GDA: variants seen among roughly 807,000 people sequenced by gnomAD.
GDA encodes cytoplasmic PSD-95 interactor.
A neutral mutation model predicts 59.6 loss-of-function variants in GDA; 18 were observed. The observed-to-expected ratio is 0.30, with a 90% confidence interval of 0.21 to 0.45. The LOEUF (loss-of-function observed/expected upper bound fraction) is 0.45. Among genes scored for constraint, GDA ranks in the 20% least tolerant of loss-of-function variants. The pLI is 1.00. For missense variants in GDA, 427 were observed against 552.3 expected (o/e 0.77, Z 2.27); for synonymous variants, 201 against 201.1 (o/e 1.00, Z 0.00).
chr9:72,208,352 A>G (rs1438537679), intron 3 of GDA, among the ~76,000 whole-genome samples: 1 of 152,214 alleles, frequency 6.6e-6, no homozygotes, highest in Non-Finnish European at 1.5e-5. Context: ...AGCAAGAGCC[A>G]CTGTCTGGAG....
chr9:72,201,845 G>T (rs2131342217), intron 2 of GDA, among the ~76,000 whole-genome samples: 1 of 152,260 alleles, frequency 6.6e-6, no homozygotes, highest in Admixed American at 6.5e-5. Flanking sequence ...AGAATTAATA[G>T]AAATATGAAT....
chr9:72,157,142 C>T (rs1477128591), intron 1 of GDA, among the ~76,000 whole-genome samples: 1 of 147,294 alleles, frequency 6.8e-6, no homozygotes, highest in African/African-American at 2.5e-5. Flanking sequence ...TGGGTTCAAG[C>T]GATTCTCCTG....
rs368217737 is a variant in GDA, at chr9:72,214,045, T to C, written c.578+54T>C. The C allele has an allele frequency of 7.7e-5, 77 of 993,790 alleles. 1 individual carries two copies. The East Asian group carries it at 1.8e-3, about 23-fold the overall frequency. 61.6% of individuals were successfully genotyped at this position (993,790 alleles called of 1,614,324 possible). ...TTACAGGTGAATTCCTGTGCTGCAC[T>C]GATGGAGTTAGAGATGGAAAAAGGA... On this transcript the variant is annotated intron_variant, in intron 5 of 13. Transcript: ENST00000358399.
chr9:72,141,747 CTGCACATTAATAACCT>C lies in GDA; in HGVS notation c.-100+26917_-100+26932del, dbSNP rs1182139290. On this transcript the variant is annotated intron_variant, in intron 1 of 13. Coordinates refer to the GDA transcript ENST00000545168. Reference sequence around the variant, plus strand: ...CCACGGTCAGCTCAAACCAGTTAAGCTGCACATTAATAACCTTGGGAAAAACCAATCCTTCTCTGAG... The same window carrying C: ...CCACGGTCAGCTCAAACCAGTTAAGCTGGGAAAAACCAATCCTTCTCTGAG... Among the ~76,000 whole-genome samples, 3 of 152,166 alleles carry C rather than the reference CTGCACATTAATAACCT, an allele frequency of 2.0e-5. 1 individual carries two copies. Among genetic ancestry groups the C allele is most frequent in the South Asian group, 4.1e-4 (2 of 4,834 alleles).
intron 1 of GDA, among the ~76,000 whole-genome samples, chr9:72,170,509 CAG>C (rs1181843681): frequency 1.3e-5 from 2 of 152,156 alleles, no homozygotes; most frequent in Admixed American, 1.3e-4. Flanking sequence ...TTCTATCACT[CAG>C]AGAGTTGTGT....
chr9:72,153,452 C>G (rs1827480457), intron 1 of GDA, among the ~76,000 whole-genome samples: 1 of 151,372 alleles, frequency 6.6e-6, no homozygotes, highest in African/African-American at 2.4e-5. Context: ...ACTAGAAATA[C>G]CATTTGACCC....
chr9:72,251,579 T>C lies in GDA; in HGVS notation c.*3237T>C, dbSNP rs1054229736. On this transcript the variant is annotated 3_prime_UTR_variant, in exon 14 of 14. Transcript: ENST00000358399. ...AGTTATTAATGGGTAAACTAAGAAG[T>C]GTTATAGGCAATGACTTGAAATGGT... 4 of 152,078 alleles carry C rather than the reference T, an allele frequency of 2.6e-5. No individual in the cohort carries two copies. The highest frequency in any genetic ancestry group is 9.7e-5 in the African/African-American group (4 of 41,400). 9.4% of individuals were successfully genotyped at this position (152,078 alleles called of 1,614,324 possible). A position where few individuals can be genotyped will look rare whatever the true frequency, so the allele number is the denominator to read the frequency against.
chr9:72,132,920 A>C (rs1826074425), intron 1 of GDA, among the ~76,000 whole-genome samples: 1 of 152,202 alleles, frequency 6.6e-6, no homozygotes, highest in African/African-American at 2.4e-5. Context: ...AAACCAGGGA[A>C]GAAAAAGAGG....
intron 1 of GDA, among the ~76,000 whole-genome samples, chr9:72,186,777 C>T (rs557007697): frequency 7.9e-5 from 12 of 152,180 alleles, no homozygotes; most frequent in Non-Finnish European, 1.5e-4. Context: ...GTTGTTACCC[C>T]TTCCATCCCT....
intron 1 of GDA, among the ~76,000 whole-genome samples, chr9:72,132,590 CTGA>C (rs1826064342): frequency 6.6e-6 from 1 of 152,114 alleles, no homozygotes; most frequent in South Asian, 2.1e-4. Context: ...TGTCATCACT[CTGA>C]AGATTTCCAA....
intron 5 of GDA, among the ~76,000 whole-genome samples, chr9:72,216,548 G>C (rs972262295): frequency 1.3e-5 from 2 of 152,150 alleles, no homozygotes; most frequent in African/African-American, 2.4e-5. Flanking sequence ...TAAAAACACT[G>C]TGCTAAGACA....
At chr9:72,141,782 C>A (rs145540954) in intron 1 of GDA, among the ~76,000 whole-genome samples, 9 of 152,314 alleles carry the variant, frequency 5.9e-5, no homozygotes, top group African/African-American at 2.2e-4. Flanking sequence ...ACCAATCCTT[C>A]TCTGAGATCC....
At chr9:72,127,655 A>C (rs1344026627) in intron 1 of GDA, among the ~76,000 whole-genome samples, 1 of 151,908 alleles carries the variant, frequency 6.6e-6, no homozygotes, top group Non-Finnish European at 1.5e-5. Flanking sequence ...AAAAAAAAGA[A>C]AGAAAATCAG....
intron 1 of GDA, among the ~76,000 whole-genome samples, chr9:72,124,322 A>G (rs1029334927): frequency 3.9e-5 from 6 of 152,268 alleles, no homozygotes; most frequent in African/African-American, 1.4e-4. Context: ...AAGACACTTT[A>G]TAAATTGCAA....
At chr9:72,197,537 T>C (rs940003781) in intron 2 of GDA, 1 of 152,000 alleles carries the variant, frequency 6.6e-6, no homozygotes, top group African/African-American at 2.4e-5. Context: ...GGTTGGAGGA[T>C]GGAGAGGAGG....
At chr9:72,235,911 A>G (rs1838937049) in intron 10 of GDA, among the ~76,000 whole-genome samples, 1 of 152,190 alleles carries the variant, frequency 6.6e-6, no homozygotes. Context: ...CAAGTTTACT[A>G]AACAAGACCT....
At chr9:72,132,903 C>A (rs1232848376) in intron 1 of GDA, among the ~76,000 whole-genome samples, 2 of 152,066 alleles carry the variant, frequency 1.3e-5, no homozygotes, top group African/African-American at 4.8e-5. Context: ...CCGCCAAGGA[C>A]AAAGTGAAAC....
intron 1 of GDA, among the ~76,000 whole-genome samples, chr9:72,168,390 C>CTTTTTTT (rs77778231): frequency 5.6e-4 from 59 of 105,882 alleles, no homozygotes; most frequent in Non-Finnish European, 7.9e-4. Context: ...GAGACTTTGT[C>CTTTTTTT]TTTTTTTTTT....
chr9:72,138,362 T>C (rs1587323369), intron 1 of GDA, among the ~76,000 whole-genome samples: 1 of 152,194 alleles, frequency 6.6e-6, no homozygotes, highest in Non-Finnish European at 1.5e-5. Context: ...AAAGTGGTGG[T>C]GTTTGTCCAA....
Sources: allele counts gnomAD v4.1 joint callset (sites outside exome capture counted in the v4.1 genomes callset), GRCh38; gene constraint gnomAD v4.1.1; transcripts MANE v1.5; gene names NCBI Gene and HGNC (gene_info 2026-07-23, HGNC 2026-07-21).